Variants in PPIH observed in about 807,000 individuals in gnomAD.
PPIH encodes the protein peptidyl-prolyl cis-trans isomerase H.
A neutral mutation model predicts 27.6 loss-of-function variants in PPIH; 16 were observed. The ratio of observed to expected loss-of-function variants is 0.58; its 90% confidence interval spans 0.39 to 0.88. PPIH has a LOEUF of 0.88. PPIH is among the 40% of genes least tolerant of loss of function. The probability of loss-of-function intolerance (pLI) is 0.00; values close to 1 mark genes in which losing one functional copy is unlikely to be tolerated. For missense variants in PPIH, 155 were observed against 224.1 expected, an observed-to-expected ratio of 0.69 and a Z score of 1.97; for synonymous variants, 63 against 76.1, an observed-to-expected ratio of 0.83 and a Z score of 0.90.
At position 42,664,722 on chromosome 1, in the gene PPIH, A is replaced by C; in HGVS notation, c.244-141A>C. On this transcript the variant is annotated intron_variant, in intron 5 of 9. Coordinates refer to ENST00000304979, the MANE Select transcript of PPIH (RefSeq NM_006347.4). Reference sequence around the variant, plus strand: ...TTGATCTGATTGCAGGGTGGGGTCAAATAGGTGCAGCTTCCAAGATGACCA... The same window carrying C: ...TTGATCTGATTGCAGGGTGGGGTCACATAGGTGCAGCTTCCAAGATGACCA... 7.8e-6 allele frequency: 5 copies of C among 644,122 alleles called. No homozygotes were observed. In the South Asian group the frequency reaches 1.1e-4, roughly 14 times the overall value. 39.9% of individuals were successfully genotyped at this position (644,122 alleles called of 1,614,324 possible).
chr1:42,669,398 A>C (rs573407382), intron 9 of PPIH, among the ~76,000 whole-genome samples: 2 of 152,270 alleles, frequency 1.3e-5, no homozygotes, highest in Admixed American at 6.5e-5. Flanking sequence ...ATATTGTATA[A>C]GATTACCTTA....
intron 5 of PPIH, among the ~76,000 whole-genome samples, chr1:42,662,459 G>C (rs1401577233): frequency 6.6e-6 from 1 of 151,982 alleles, no homozygotes; most frequent in Non-Finnish European, 1.5e-5. Context: ...TGAGGTAGGA[G>C]GATCCCTTGA....
At chr1:42,673,200 G>T (rs543703329) in intron 9 of PPIH, among the ~76,000 whole-genome samples, 40 of 152,154 alleles carry the variant, frequency 2.6e-4, no homozygotes, top group African/African-American at 9.6e-4. Flanking sequence ...GTCCAGGCCG[G>T]TCTCAAACTC....
chr1:42,670,828 C>T (rs1005764667), intron 9 of PPIH, among the ~76,000 whole-genome samples: 1 of 152,128 alleles, frequency 6.6e-6, no homozygotes, highest in African/African-American at 2.4e-5. Flanking sequence ...TGGAGTCTCG[C>T]TCTGTCGCCC....
intron 9 of PPIH, among the ~76,000 whole-genome samples, chr1:42,670,238 G>A (rs1570397796): frequency 6.6e-6 from 1 of 152,022 alleles, no homozygotes; most frequent in South Asian, 2.1e-4. Context: ...TGCCAATACT[G>A]GGTCCCCCTT....
chr1:42,663,288 T>G (rs776399345), intron 5 of PPIH, among the ~76,000 whole-genome samples: 1 of 152,230 alleles, frequency 6.6e-6, no homozygotes, highest in Non-Finnish European at 1.5e-5. Flanking sequence ...ATCTTCATGA[T>G]AACTGTAAAG....
intron 1 of PPIH, 160 bp downstream of exon 1, chr1:42,658,672 A>C (rs1174339009): frequency 1.9e-5 from 21 of 1,093,428 alleles, no homozygotes; most frequent in Non-Finnish European, 2.6e-5. Flanking sequence ...GAGGAGGAGG[A>C]GTCTCCCCAA....
intron 5 of PPIH, among the ~76,000 whole-genome samples, chr1:42,663,535 G>A (rs1649165281): frequency 6.6e-6 from 1 of 152,042 alleles, no homozygotes; most frequent in Non-Finnish European, 1.5e-5. Context: ...CGAGTAGCTG[G>A]GATTACAGGT....
At chr1:42,663,489 C>T (rs762686842) in intron 5 of PPIH, among the ~76,000 whole-genome samples, 3 of 151,992 alleles carry the variant, frequency 2.0e-5, no homozygotes, top group South Asian at 2.1e-4. Context: ...CTCCACCTCC[C>T]GGGTGGGTTC....
At chr1:42,667,469 G>A (rs1161173084) in intron 9 of PPIH, 29 bp downstream of exon 9, 1 of 1,521,664 alleles carries the variant, frequency 6.6e-7, no homozygotes, top group Non-Finnish European at 9.1e-7. Context: ...TATTAGGTTA[G>A]GAATCAGACC....
intron 9 of PPIH, among the ~76,000 whole-genome samples, chr1:42,673,299 T>A (rs1273328057): frequency 6.6e-6 from 1 of 152,224 alleles, no homozygotes; most frequent in Non-Finnish European, 1.5e-5. Flanking sequence ...GAAAACTTTT[T>A]ATGATGAATT....
intron 9 of PPIH, among the ~76,000 whole-genome samples, chr1:42,673,512 C>A (rs1030587743): frequency 6.6e-6 from 1 of 152,164 alleles, no homozygotes; most frequent in East Asian, 1.9e-4. Context: ...TGGTAGAGAG[C>A]TTTCCTTAAT....
rs971954008 is a variant in PPIH, at chr1:42,658,456, G to T, written c.10G>T (p.Ala4Ser). 1 of 1,614,082 alleles carries T rather than the reference G, an allele frequency of 6.2e-7. No individual in the cohort carries two copies. Among genetic ancestry groups the T allele is most frequent in the African/African-American group, 1.3e-5 (1 of 75,060 alleles). The change falls in exon 1 of 10, where the codon GCA (alanine) becomes TCA (serine). Residue 4 changes from alanine to serine, a missense_variant. Coordinates refer to ENST00000304979, the MANE Select transcript of PPIH (RefSeq NM_006347.4). MAV[A>S]NSSPVNPVVF... ...CTTCCGGGTCGGAGCCATGGCGGTG[G>T]CAAATTCAAGTCCTGTTAACCCCGT... is the stretch of plus-strand genomic sequence containing the variant.
At chr1:42,664,089 G>A (rs1649197639) in intron 5 of PPIH, among the ~76,000 whole-genome samples, 1 of 152,200 alleles carries the variant, frequency 6.6e-6, no homozygotes, top group South Asian at 2.1e-4. Context: ...AATAAAGCTA[G>A]TTTAAGCAGA....
chr1:42,669,659 T>C (rs1479797472), intron 9 of PPIH, among the ~76,000 whole-genome samples: 3 of 152,220 alleles, frequency 2.0e-5, no homozygotes, highest in Admixed American at 1.3e-4. Context: ...AAAATTAGTA[T>C]TGTGTTGCTT....
At chr1:42,666,404 G>C (rs1649340166) in intron 7 of PPIH, 143 bp from the exon 8 acceptor site, 3 of 803,748 alleles carry the variant, frequency 3.7e-6, no homozygotes, top group East Asian at 2.6e-5. Context: ...CTATGACCTT[G>C]AGCAAGTCAT....
downstream of PPIH, among the ~76,000 whole-genome samples, chr1:42,679,421 T>G (rs1557524633): frequency 6.6e-6 from 1 of 152,244 alleles, no homozygotes; most frequent in Middle Eastern, 3.4e-3. Flanking sequence ...AACTCCTGAC[T>G]TCAAGTGATC....
At chr1:42,671,766 T>C (rs547719588) in intron 9 of PPIH, among the ~76,000 whole-genome samples, 1 of 152,310 alleles carries the variant, frequency 6.6e-6, no homozygotes, top group East Asian at 1.9e-4. Context: ...ATTTTGGGTT[T>C]CTGAATAATG....
At chr1:42,659,836 C>T (rs1055087787) in intron 4 of PPIH, among the ~76,000 whole-genome samples, 1 of 152,210 alleles carries the variant, frequency 6.6e-6, no homozygotes, top group Non-Finnish European at 1.5e-5. Flanking sequence ...TTAAAAAGTA[C>T]ACTTGTAATC....
Sources: allele counts gnomAD v4.1 joint callset (sites outside exome capture counted in the v4.1 genomes callset), GRCh38; gene constraint gnomAD v4.1.1; transcripts MANE v1.5; gene names NCBI Gene and HGNC (gene_info 2026-07-23, HGNC 2026-07-21).